Variants in POLR1A observed in about 807,000 individuals in gnomAD.
POLR1A encodes the protein DNA-directed RNA polymerase I subunit RPA1.
Under a neutral mutation model 205.3 loss-of-function variants are expected in POLR1A, and 84 were observed. The observed-to-expected ratio is 0.41, with a 90% CI of 0.34 to 0.49. POLR1A has a LOEUF of 0.49. Among genes scored for constraint, POLR1A ranks in the 20% least tolerant of loss-of-function variants. POLR1A has a pLI of 0.22. For synonymous variants in POLR1A, 799 were observed against 863.7 expected (o/e 0.93, Z 1.31); for missense variants, 1,645 against 2,204.5 (o/e 0.75, Z 5.08).
At chr2:86,059,639 C>T (rs1235261968) in intron 14 of POLR1A, among the ~76,000 whole-genome samples, 2 of 152,212 alleles carry the variant, frequency 1.3e-5, no homozygotes, top group Non-Finnish European at 2.9e-5. Context: ...AATCTCAGCT[C>T]AATGCAACCT....
At chr2:86,063,123 G>T (rs1673024759) in intron 14 of POLR1A, among the ~76,000 whole-genome samples, 1 of 152,106 alleles carries the variant, frequency 6.6e-6, no homozygotes. Context: ...ATCACCTGAG[G>T]TTGGGAGTTC....
intron 6 of POLR1A, among the ~76,000 whole-genome samples, chr2:86,088,083 G>T (rs1229592146): frequency 6.6e-6 from 1 of 152,170 alleles, no homozygotes; most frequent in African/African-American, 2.4e-5. Context: ...CAGAGCTTGG[G>T]TAGGGCAGAG....
At chr2:86,063,219 C>T (rs1360899799) in intron 14 of POLR1A, among the ~76,000 whole-genome samples, 1 of 150,798 alleles carries the variant, frequency 6.6e-6, no homozygotes, top group East Asian at 1.9e-4. Context: ...CTTGTAATCC[C>T]AGCTACTTGG....
At chr2:86,083,526 A>C (rs557304010) in intron 6 of POLR1A, among the ~76,000 whole-genome samples, 1 of 152,184 alleles carries the variant, frequency 6.6e-6, no homozygotes, top group Non-Finnish European at 1.5e-5. Context: ...TATTTTGCAC[A>C]CTACTTTGCC....
intron 27 of POLR1A, among the ~76,000 whole-genome samples, chr2:86,034,912 C>T (rs1287412336): frequency 6.6e-6 from 1 of 152,178 alleles, no homozygotes; most frequent in Non-Finnish European, 1.5e-5. Context: ...TCTCTATCCC[C>T]CAGGCTGGAG....
At chr2:86,054,918 G>A (rs1672871325) in intron 14 of POLR1A, among the ~76,000 whole-genome samples, 1 of 152,226 alleles carries the variant, frequency 6.6e-6, no homozygotes, top group African/African-American at 2.4e-5. Context: ...CAGACCGGCA[G>A]GTGTGACAGG....
intron 3 of POLR1A, among the ~76,000 whole-genome samples, chr2:86,095,217 A>C (rs1247395259): frequency 6.6e-6 from 1 of 152,164 alleles, no homozygotes; most frequent in Non-Finnish European, 1.5e-5. Flanking sequence ...TGCTCTGCCC[A>C]CCTAATGTCT....
chr2:86,105,660 C>T lies in POLR1A; in HGVS notation c.77+40G>A, dbSNP rs183485294. ...GAATCGTAGTTTAGGGCGCCGACCT[C>T]AAGATCCAGGCTGGGCACGCTACCC... On this transcript the variant is annotated intron_variant, in intron 1 of 33. Coordinates refer to ENST00000263857, the MANE Select transcript of POLR1A (RefSeq NM_015425.6). 47 of 1,445,734 alleles carry T rather than the reference C, an allele frequency of 3.3e-5. No individual in the cohort carries two copies. The East Asian group carries it at 9.8e-4, about 30-fold the overall frequency. 89.6% of individuals were successfully genotyped at this position (1,445,734 alleles called of 1,614,324 possible).
chr2:86,101,440 G>A (rs1033223150), intron 1 of POLR1A, among the ~76,000 whole-genome samples: 5 of 152,166 alleles, frequency 3.3e-5, no homozygotes, highest in African/African-American at 9.7e-5. Flanking sequence ...GGGCCAAGGC[G>A]ACAGGGAGGC....
rs768786603 is a variant in POLR1A at position 86,094,548 on chromosome 2, T to G, written c.432+4063A>C. Among the ~76,000 whole-genome samples the G allele has an allele frequency of 5.3e-5, 8 of 152,202 alleles. 1 individual carries two copies. Among genetic ancestry groups the G allele is most frequent in the Non-Finnish European group, 1.2e-4 (8 of 68,024 alleles). On this transcript the variant is annotated intron_variant, in intron 3 of 33. Coordinates refer to ENST00000263857, the MANE Select transcript of POLR1A (RefSeq NM_015425.6). ...AAGCTTTTTTAGTGGAGAATGGTAT[T>G]TAGAAAACAAGAAGGGGGTGCTAGG...
Position 86,080,865 on chromosome 2 carries a change from G to A in POLR1A, c.1037C>T (p.Ala346Val). The A allele has an allele frequency of 6.2e-7, 1 of 1,614,036 alleles. No homozygotes were observed. Residue 346 changes from alanine to valine, a missense_variant, in exon 9 of 34, where the codon GCC becomes GTC. By Grantham distance (64) the Ala-to-Val change is moderately conservative. This residue lies in a region of POLR1A where 78 missense variants were observed against 77.7 expected (regional missense o/e 1.00). Coordinates refer to ENST00000263857, the MANE Select transcript of POLR1A (RefSeq NM_015425.6). Reference protein sequence around the residue: ...VLIRKLLALMAQEQKLPEEVA... With the variant: ...VLIRKLLALMVQEQKLPEEVA... ...TTCCTCTGGCAACTTCTGTTCTTGG[G>A]CCATCAATGCCAGAAGTTTTCGAAT...
At chr2:86,032,901 A>G (rs1393012953) in intron 28 of POLR1A, among the ~76,000 whole-genome samples, 6 of 152,204 alleles carry the variant, frequency 3.9e-5, no homozygotes, top group Non-Finnish European at 2.9e-5. Context: ...TGAGTGAGCT[A>G]GCAGGTGAAC....
chr2:86,037,539 ATG>A (rs772977591), intron 27 of POLR1A, among the ~76,000 whole-genome samples: 3 of 152,182 alleles, frequency 2.0e-5, no homozygotes, highest in Non-Finnish European at 4.4e-5. Flanking sequence ...ATGGCTCAGT[ATG>A]TGTTTGTGGG....
intron 9 of POLR1A, among the ~76,000 whole-genome samples, chr2:86,079,440 G>A (rs1477904791): frequency 6.6e-6 from 1 of 152,174 alleles, no homozygotes; most frequent in East Asian, 1.9e-4. Flanking sequence ...AGAGAGTAAG[G>A]GGGGAGAAAA....
At chr2:86,051,085 C>T (rs1028260849) in intron 16 of POLR1A, among the ~76,000 whole-genome samples, 5 of 152,182 alleles carry the variant, frequency 3.3e-5, no homozygotes, top group Admixed American at 2.0e-4. Context: ...ATTATAGGAA[C>T]TGGTTAAATA....
In POLR1A at chr2:86,077,870, C is replaced by T; in HGVS notation, c.1369G>A (p.Gly457Arg). The change falls in exon 11 of 34, where the codon GGA (glycine) becomes AGA (arginine). Residue 457 changes from glycine to arginine, a missense_variant. Transcript: ENST00000263857. Reference sequence around the variant, plus strand: ...ACACACACACACACCATGGGAATTCCAATTTCGTTGGTGTTGATGTACATG... The same window carrying T: ...ACACACACACACACCATGGGAATTCTAATTTCGTTGGTGTTGATGTACATG... Reference protein sequence around the residue: ...PDMYINTNEIGIPMVFATKLT... With the variant: ...PDMYINTNEIRIPMVFATKLT... 1 of 1,610,142 alleles carries T rather than the reference C, an allele frequency of 6.2e-7. No homozygotes were observed.
In POLR1A at chr2:86,081,720, A is replaced by G. The variant is rs189807884; in HGVS notation, c.818-14T>C. 9.1e-5 allele frequency: 137 copies of G among 1,508,876 alleles called. No individual in the cohort carries two copies. Among genetic ancestry groups the G allele is most frequent in the Admixed American group, 2.8e-4 (16 of 56,578 alleles). The allele number at this position is 1,508,876 out of a possible 1,614,324, so 93.5% of individuals were successfully genotyped here. Reference sequence around the variant, plus strand: ...TCAGAAAGAATCCTGCGTTGGAAAGAAATAAACCAAGAAGACCATTTAAAT... The same window carrying G: ...TCAGAAAGAATCCTGCGTTGGAAAGGAATAAACCAAGAAGACCATTTAAAT... On this transcript the variant is annotated splice_polypyrimidine_tract_variant and intron_variant, in intron 7 of 33. Coordinates refer to ENST00000263857, the MANE Select transcript of POLR1A (RefSeq NM_015425.6).
Position 86,088,549 on chromosome 2 carries a change from A to G in POLR1A, c.730+17T>C, listed in dbSNP as rs1441231532. The G allele has an allele frequency of 1.3e-6, 2 of 1,567,806 alleles. No individual in the cohort carries two copies. ...CTGGCCTCACATGGAGCTCCTCTCC[A>G]GACCCAGCCTGCTCACCCAGGGGCT... is the stretch of plus-strand genomic sequence containing the variant. On this transcript the variant is annotated intron_variant, in intron 6 of 33. Transcript: ENST00000263857.
chr2:86,090,220 C>T (rs567452788), intron 3 of POLR1A, among the ~76,000 whole-genome samples: 8 of 152,032 alleles, frequency 5.3e-5, no homozygotes, highest in Non-Finnish European at 1.2e-4. Context: ...ATGGTGAAAT[C>T]CTGTCTCTAC....
Sources: allele counts gnomAD v4.1 joint callset (sites outside exome capture counted in the v4.1 genomes callset), GRCh38; gene constraint gnomAD v4.1.1; regional missense constraint gnomAD v4.1.1; transcripts MANE v1.5; gene names NCBI Gene and HGNC (gene_info 2026-07-23, HGNC 2026-07-21).